Variants in STK39 observed in about 807,000 individuals in gnomAD.
STK39 encodes the protein STE20/SPS1-related proline-alanine-rich protein kinase.
In STK39, 20 loss-of-function variants were observed where a neutral mutation model predicts 77.8. The ratio of observed to expected loss-of-function variants is 0.26; its 90% CI spans 0.18 to 0.37. The LOEUF is 0.37. Among genes scored for constraint, STK39 ranks in the 10% least tolerant of loss-of-function variants. STK39 has a pLI of 1.00. For missense variants in STK39, 479 were observed against 656.5 expected (o/e 0.73, Z 2.95); for synonymous variants, 246 against 234.1 (o/e 1.05, Z -0.47).
At chr2:167,969,127 G>A (rs1265540401) in intron 16 of STK39, among the ~76,000 whole-genome samples, 1 of 152,186 alleles carries the variant, frequency 6.6e-6, no homozygotes, top group Admixed American at 6.5e-5. Flanking sequence ...CACTGATAGG[G>A]TTTGTTTTGA....
At chr2:168,104,084 T>C (rs1247848799) in intron 10 of STK39, among the ~76,000 whole-genome samples, 5 of 152,074 alleles carry the variant, frequency 3.3e-5, no homozygotes, top group South Asian at 2.1e-4. Flanking sequence ...GTCAGAATAG[T>C]ATAAGGTCAC....
chr2:167,963,305 C>T (rs1255535580), intron 17 of STK39, among the ~76,000 whole-genome samples: 2 of 152,062 alleles, frequency 1.3e-5, no homozygotes, highest in Non-Finnish European at 2.9e-5. Context: ...GCTGTTTTCA[C>T]AAAATCTTCG....
rs199640858 is a variant in STK39, at chr2:168,075,027, G to T, written c.1213-16C>A. ...CTCTTCGTGACTGTAAAACAATTAT[G>T]TATCCATTAATATATATACACACAC... On this transcript the variant is annotated splice_polypyrimidine_tract_variant and intron_variant, in intron 11 of 17. Transcript: ENST00000355999. 6.2e-7 allele frequency: 1 copy of T among 1,613,814 alleles called. No homozygotes were observed. The highest frequency in any genetic ancestry group is 2.2e-5 in the East Asian group (1 of 44,882).
intron 1 of STK39, among the ~76,000 whole-genome samples, chr2:168,241,389 G>A (rs1411605290): frequency 6.6e-6 from 1 of 152,150 alleles, no homozygotes; most frequent in African/African-American, 2.4e-5. Flanking sequence ...GGTTGTTCTC[G>A]GAGCCCTCTC....
At chr2:168,115,085 C>G (rs761291992) in intron 10 of STK39, among the ~76,000 whole-genome samples, 1 of 152,088 alleles carries the variant, frequency 6.6e-6, no homozygotes, top group Non-Finnish European at 1.5e-5. Flanking sequence ...TGAAGTACCT[C>G]GTATAATCTA....
intron 16 of STK39, among the ~76,000 whole-genome samples, chr2:167,983,788 T>C (rs1229793024): frequency 6.6e-6 from 1 of 152,148 alleles, no homozygotes; most frequent in Non-Finnish European, 1.5e-5. Context: ...AACTGAAATA[T>C]GGATTTAAGC....
intron 1 of STK39, among the ~76,000 whole-genome samples, chr2:168,227,213 T>C (rs915968255): frequency 6.6e-6 from 1 of 152,174 alleles, no homozygotes; most frequent in East Asian, 1.9e-4. Flanking sequence ...TAGAAAAACA[T>C]CTGCAAGGAT....
At chr2:168,243,706 T>C (rs1690829670) in intron 1 of STK39, among the ~76,000 whole-genome samples, 2 of 152,238 alleles carry the variant, frequency 1.3e-5, no homozygotes, top group African/African-American at 4.8e-5. Flanking sequence ...ACTACAATTC[T>C]TTGAATGAGA....
At chr2:167,964,582 G>T in intron 17 of STK39, 80 bp downstream of exon 17, 2 of 1,272,094 alleles carry the variant, frequency 1.6e-6, no homozygotes, top group African/African-American at 1.5e-5. Flanking sequence ...TACAGAGTAG[G>T]TTATTAAACT....
chr2:168,203,311 G>T (rs1333437344), intron 1 of STK39, among the ~76,000 whole-genome samples: 1 of 152,110 alleles, frequency 6.6e-6, no homozygotes, highest in African/African-American at 2.4e-5. Flanking sequence ...ACCCATTAAG[G>T]TCCTGGCTAG....
intron 1 of STK39, among the ~76,000 whole-genome samples, chr2:168,216,830 CTG>C (rs1559150728): frequency 6.6e-6 from 1 of 152,228 alleles, no homozygotes; most frequent in African/African-American, 2.4e-5. Flanking sequence ...GTCACCGGCT[CTG>C]TGCCAGGCAC....
At chr2:168,242,442 G>A (rs1038558820) in intron 1 of STK39, among the ~76,000 whole-genome samples, 2 of 149,964 alleles carry the variant, frequency 1.3e-5, no homozygotes, top group Non-Finnish European at 3.0e-5. Context: ...CTAGCTACTC[G>A]GGAGGCTGAG....
chr2:168,163,502 A>T, intron 4 of STK39: 1 of 706,392 alleles, frequency 1.4e-6, no homozygotes, highest in Non-Finnish European at 1.7e-6. Context: ...TTTCTTTCTT[A>T]AGTACTTTTT....
intron 10 of STK39, among the ~76,000 whole-genome samples, chr2:168,102,226 GC>G (rs1472761901): frequency 4.0e-5 from 6 of 151,822 alleles, no homozygotes; most frequent in Admixed American, 1.3e-4. Flanking sequence ...CTGAGGAAAT[GC>G]CAGACTGTCT....
intron 7 of STK39, among the ~76,000 whole-genome samples, chr2:168,139,398 TA>T (rs66702633): frequency 2.3e-4 from 32 of 140,268 alleles, no homozygotes; most frequent in Admixed American, 2.8e-4. Flanking sequence ...CTAACTATGT[TA>T]AAAAAAATTT....
intron 16 of STK39, among the ~76,000 whole-genome samples, chr2:168,001,283 A>C (rs113843079): frequency 1.2e-3 from 176 of 151,970 alleles, no homozygotes; most frequent in East Asian, 4.3e-3. Context: ...AAAAAAAAAA[A>C]AACAACAACA....
At chr2:168,053,852 G>A (rs952210286) in intron 14 of STK39, among the ~76,000 whole-genome samples, 2 of 152,110 alleles carry the variant, frequency 1.3e-5, no homozygotes, top group Non-Finnish European at 1.5e-5. Context: ...AGTGTCAGAA[G>A]ACCCAGATGC....
chr2:168,096,169 GA>G (rs1311856085), intron 10 of STK39, among the ~76,000 whole-genome samples: 1 of 152,018 alleles, frequency 6.6e-6, no homozygotes, highest in Non-Finnish European at 1.5e-5. Context: ...TATTGGCTGA[GA>G]TTTTTTTTTC....
intron 14 of STK39, among the ~76,000 whole-genome samples, chr2:168,059,410 C>A (rs1428139083): frequency 6.6e-6 from 1 of 152,174 alleles, no homozygotes; most frequent in East Asian, 1.9e-4. Context: ...CCTGCTTAAT[C>A]AGGTGAAAAA....
Sources: allele counts gnomAD v4.1 joint callset (sites outside exome capture counted in the v4.1 genomes callset), GRCh38; gene constraint gnomAD v4.1.1; transcripts MANE v1.5; gene names NCBI Gene and HGNC (gene_info 2026-07-23, HGNC 2026-07-21).